Variants in PABPC3 observed in about 807,000 individuals in gnomAD.
The protein encoded by PABPC3 is poly(A) binding protein cytoplasmic 3.
Under a neutral mutation model 43.0 loss-of-function variants are expected in PABPC3, and 43 were observed. That is an observed-to-expected ratio of 1.00 (90% CI 0.78 to 1.29). PABPC3 has a LOEUF of 1.29. Ranked by LOEUF, PABPC3 falls within the 50% of genes most tolerant of loss-of-function variation. The probability of loss-of-function intolerance (pLI) is 0.00; values close to 1 mark genes in which losing one functional copy is unlikely to be tolerated. For synonymous variants in PABPC3, 221 were observed against 274.6 expected, an observed-to-expected ratio of 0.80 and a Z score of 1.93; for missense variants, 784 against 798.1, an observed-to-expected ratio of 0.98 and a Z score of 0.21.
chr13:25,096,191 T>C lies in PABPC3; in HGVS notation c.-8T>C. 2.5e-6 allele frequency: 4 copies of C among 1,606,582 alleles called. No individual in the cohort carries two copies. The highest frequency in any genetic ancestry group is 2.6e-6 in the Non-Finnish European group (3 of 1,175,138). Reference sequence around the variant, plus strand: ...CGGCTTGTGTGCCTGCGGGCAGCCGTGCCGAGAATGAACCCCAGCACCCCC... The same window carrying C: ...CGGCTTGTGTGCCTGCGGGCAGCCGCGCCGAGAATGAACCCCAGCACCCCC... On this transcript the variant is annotated 5_prime_UTR_variant, in exon 1 of 1. Coordinates refer to ENST00000281589, the MANE Select transcript of PABPC3 (RefSeq NM_030979.3).
chr13:25,098,114 A>G lies in PABPC3; in HGVS notation c.*20A>G, dbSNP rs370438574. The G allele has an allele frequency of 2.1e-5, 33 of 1,600,882 alleles. 1 individual carries two copies. In the African/African-American group the frequency reaches 3.8e-4, roughly 18 times the overall value. ...GTTTAAAATTGATCAGAGACCACGA[A>G]AAGAAATTTGTGCTTCACCGAAGAA... On this transcript the variant is annotated 3_prime_UTR_variant, in exon 1 of 1. Coordinates refer to ENST00000281589, the MANE Select transcript of PABPC3 (RefSeq NM_030979.3).
rs1255674928 is a variant in PABPC3 at position 25,098,383 on chromosome 13, C to T, written c.*289C>T. 3.3e-6 allele frequency: 1 copy of T among 300,396 alleles called. No homozygotes were observed. Among genetic ancestry groups the T allele is most frequent in the East Asian group, 7.8e-5 (1 of 12,834 alleles). The allele number at this position is 300,396 out of a possible 1,614,324, so 18.6% of individuals were successfully genotyped here. A position where few individuals can be genotyped will look rare whatever the true frequency, so the allele number is the denominator to read the frequency against. ...CAAAAACCAGTTAATGTTTTGTAGA[C>T]CCTGGGAAAAGAATTTTCAGCAAAG... On this transcript the variant is annotated 3_prime_UTR_variant, in exon 1 of 1. Coordinates refer to ENST00000281589, the MANE Select transcript of PABPC3 (RefSeq NM_030979.3).
chr13:25,097,814 CTT>C, the PABPC3 span: 4 of 1,613,942 alleles, frequency 2.5e-6, no homozygotes, highest in Non-Finnish European at 3.4e-6. Context: ...GGTCAGGAAA[CTT>C]TGACTGCCTC....
rs1355607834 is a variant in PABPC3, at chr13:25,097,268, T to C, written c.1070T>C (p.Ile357Thr). Residue 357 changes from isoleucine (I) to threonine (T), a missense_variant, in exon 1 of 1, where the codon ATT becomes ACT. Coordinates refer to ENST00000281589, the MANE Select transcript of PABPC3 (RefSeq NM_030979.3). ...GCAGTTACAGAAATGAACGGTAGAA[T>C]TGTGGCCACAAAGCCATTGTATGTA... ...TKAVTEMNGR[I>T]VATKPLYVAL... 7 of 1,614,276 alleles carry C rather than the reference T, an allele frequency of 4.3e-6. No individual in the cohort carries two copies. Among genetic ancestry groups the C allele is most frequent in the South Asian group, 1.1e-5 (1 of 91,088 alleles).
Position 25,096,493 on chromosome 13 carries a change from G to T in PABPC3, c.295G>T (p.Gly99Cys). The change falls in exon 1 of 1, where the codon GGC becomes TGC. Residue 99 changes from glycine (G) to cysteine (C), a missense_variant. By Grantham distance (159) the Gly-to-Cys change is radical (BLOSUM62 -3). Transcript: ENST00000281589. Reference sequence around the variant, plus strand: ...TCCATCACTTCGAAAAAGTGGAGTGGGCAACATATTCGTTAAAAATCTGGA... The same window carrying T: ...TCCATCACTTCGAAAAAGTGGAGTGTGCAACATATTCGTTAAAAATCTGGA... ...RDPSLRKSGV[G>C]NIFVKNLDKS... The T allele has an allele frequency of 6.2e-7, 1 of 1,614,160 alleles. No individual in the cohort carries two copies. Among genetic ancestry groups the T allele is most frequent in the South Asian group, 1.1e-5 (1 of 91,076 alleles).
At chr13:25,097,468 C>T in the PABPC3 span, 2 of 1,614,212 alleles carry the variant, frequency 1.2e-6, no homozygotes, top group Admixed American at 1.7e-5. Flanking sequence ...CCAAATTGCT[C>T]GACTAAGACC....
rs1323658097 is a variant in PABPC3, at chr13:25,097,975, G to C, written c.1777G>C (p.Glu593Gln). 1.2e-6 allele frequency: 2 copies of C among 1,613,872 alleles called. No individual in the cohort carries two copies. The highest frequency in any genetic ancestry group is 1.1e-5 in the South Asian group (1 of 91,068). The change falls in exon 1 of 1, where the codon GAG becomes CAG. Residue 593 changes from glutamate (E) to glutamine (Q), a missense_variant. Physicochemically the swap from Glu to Gln is conservative, Grantham distance 29 (BLOSUM62 2). Coordinates refer to ENST00000281589, the MANE Select transcript of PABPC3 (RefSeq NM_030979.3). ...IDNSELLYML[E>Q]SPESLRSKVD... The stretch of plus-strand genomic sequence containing the variant: ...TAATTCAGAACTTCTTTATATGCTC[G>C]AGTCTCCAGAGTCACTCCGTTCTAA...
chr13:25,096,451 A>C lies in PABPC3; in HGVS notation c.253A>C (p.Met85Leu). The change falls in exon 1 of 1, where the codon ATG becomes CTG. Residue 85 changes from methionine (M) to leucine (L), a missense_variant. By Grantham distance (15) the Met-to-Leu change is conservative. Coordinates refer to ENST00000281589, the MANE Select transcript of PABPC3 (RefSeq NM_030979.3). Reference sequence around the variant, plus strand: ...TATAAAGGGCAAGCCAGTACGCATCATGTGGTCTCAGCGTGATCCATCACT... The same window carrying C: ...TATAAAGGGCAAGCCAGTACGCATCCTGTGGTCTCAGCGTGATCCATCACT... ...DVIKGKPVRIMWSQRDPSLRK... is the reference protein window; with the variant it reads ...DVIKGKPVRILWSQRDPSLRK... 1 of 1,614,258 alleles carries C rather than the reference A, an allele frequency of 6.2e-7. No homozygotes were observed. The highest frequency in any genetic ancestry group is 8.5e-7 in the Non-Finnish European group (1 of 1,180,048).
In PABPC3 at chr13:25,096,662, T is replaced by G. The variant is rs746869381; in HGVS notation, c.464T>G (p.Ile155Ser). ...FETHEAAERA[I>S]KKMNGMLLNG... is the part of the protein sequence containing the mutation. ...ACACACGAAGCAGCTGAAAGAGCTA[T>G]TAAAAAAATGAACGGAATGCTCCTA... The change falls in exon 1 of 1, where the codon ATT (isoleucine) becomes AGT (serine). Residue 155 changes from isoleucine to serine, a missense_variant. Coordinates refer to ENST00000281589, the MANE Select transcript of PABPC3 (RefSeq NM_030979.3). The G allele has an allele frequency of 1.6e-5, 26 of 1,614,240 alleles. No individual in the cohort carries two copies. The highest frequency in any genetic ancestry group is 2.2e-5 in the Non-Finnish European group (26 of 1,180,046).
chr13:25,097,510 C>A lies in PABPC3; in HGVS notation c.1312C>A (p.Pro438Thr), dbSNP rs762241713. The stretch of plus-strand genomic sequence containing the variant: ...TCGCTGGACTGCTCAGGGTGCCAGA[C>A]CTCATCCATTCCAAAATAAGCCCAG... Reference protein sequence around the residue: ...SPRWTAQGARPHPFQNKPSAI... With the variant: ...SPRWTAQGARTHPFQNKPSAI... The change falls in exon 1 of 1, where the codon CCT becomes ACT. Residue 438 changes from proline to threonine, a missense_variant. Transcript: ENST00000281589. 5.0e-6 allele frequency: 8 copies of A among 1,614,160 alleles called. No homozygotes were observed.
At position 25,096,828 on chromosome 13, in the gene PABPC3, C is replaced by T. The variant is rs1279662656; in HGVS notation, c.630C>T (p.Leu210=). 15 of 1,614,150 alleles carry T rather than the reference C, an allele frequency of 9.3e-6. No homozygotes were observed. The African/African-American group carries it at 2.0e-4, about 22-fold the overall frequency. The stretch of plus-strand genomic sequence containing the variant: ...TGGATGATGAGCGCCTTAAGGATCT[C>T]TTTGGCAAGTTCGGGCCCGCCTTAA... ...EDMDDERLKD[L]FGKFGPALSV... The change falls in exon 1 of 1, where the codon CTC becomes CTT. Residue 210 remains leucine, a synonymous_variant. Coordinates refer to ENST00000281589, the MANE Select transcript of PABPC3 (RefSeq NM_030979.3).
rs1489544094 is a variant in PABPC3 at position 25,097,999 on chromosome 13, A to G, written c.1801A>G (p.Lys601Glu). The G allele has an allele frequency of 6.2e-7, 1 of 1,614,034 alleles. No homozygotes were observed. Among genetic ancestry groups the G allele is most frequent in the Non-Finnish European group, 8.5e-7 (1 of 1,179,874 alleles). Residue 601 changes from lysine (K) to glutamate (E), a missense_variant, in exon 1 of 1, where the codon AAG (lysine) becomes GAG (glutamate). Lys to Glu is a moderately conservative substitution (Grantham distance 56, BLOSUM62 1). Transcript: ENST00000281589. ...MLESPESLRS[K>E]VDEAVAVLQA... ...CGAGTCTCCAGAGTCACTCCGTTCT[A>G]AGGTTGATGAAGCTGTAGCTGTACT... is the stretch of plus-strand genomic sequence containing the variant.
Position 25,097,508 on chromosome 13 carries a change from G to C in PABPC3, c.1310G>C (p.Arg437Thr). 6.2e-7 allele frequency: 1 copy of C among 1,614,246 alleles called. No homozygotes were observed. Among genetic ancestry groups the C allele is most frequent in the Non-Finnish European group, 8.5e-7 (1 of 1,180,050 alleles). ...PSPRWTAQGA[R>T]PHPFQNKPSA... ...CCTCGCTGGACTGCTCAGGGTGCCA[G>C]ACCTCATCCATTCCAAAATAAGCCC... is the stretch of plus-strand genomic sequence containing the variant. Residue 437 changes from arginine to threonine, a missense_variant, in exon 1 of 1, where the codon AGA becomes ACA. Coordinates refer to ENST00000281589, the MANE Select transcript of PABPC3 (RefSeq NM_030979.3).
At position 25,096,643 on chromosome 13, in the gene PABPC3, G is replaced by C. The variant is rs778874181; in HGVS notation, c.445G>C (p.Glu149Gln). The C allele has an allele frequency of 1.9e-6, 3 of 1,614,280 alleles. No individual in the cohort carries two copies. Among genetic ancestry groups the C allele is most frequent in the Non-Finnish European group, 2.5e-6 (3 of 1,180,054 alleles). Residue 149 changes from glutamate to glutamine, a missense_variant, in exon 1 of 1, where the codon GAA becomes CAA. Physicochemically the swap from Glu to Gln is conservative, Grantham distance 29 (BLOSUM62 2). Transcript: ENST00000281589. ...GYGFVHFETH[E>Q]AAERAIKKMN... ...TGGATTTGTACACTTTGAGACACAC[G>C]AAGCAGCTGAAAGAGCTATTAAAAA...
At position 25,097,830 on chromosome 13, in the gene PABPC3, G is replaced by T; in HGVS notation, c.1632G>T (p.Arg544Ser). The T allele has an allele frequency of 6.2e-7, 1 of 1,613,986 alleles. No individual in the cohort carries two copies. The highest frequency in any genetic ancestry group is 8.5e-7 in the Non-Finnish European group (1 of 1,179,886). ...GTCAGGAAACTTTGACTGCCTCCAG[G>T]TTGGCATCTGCCCCTCCTCAAAAGC... Reference protein sequence around the residue: ...VQGQETLTASRLASAPPQKQK... With the variant: ...VQGQETLTASSLASAPPQKQK... The change falls in exon 1 of 1, where the codon AGG becomes AGT. Residue 544 changes from arginine to serine, a missense_variant. By Grantham distance (110) the Arg-to-Ser change is moderately radical. Coordinates refer to ENST00000281589, the MANE Select transcript of PABPC3 (RefSeq NM_030979.3).
rs763076637 is a variant in PABPC3, at chr13:25,096,205, C to T, written c.7C>T (p.Pro3Ser). 6.2e-7 allele frequency: 1 copy of T among 1,611,832 alleles called. No individual in the cohort carries two copies. Among genetic ancestry groups the T allele is most frequent in the Non-Finnish European group, 8.5e-7 (1 of 1,178,502 alleles). MN[P>S]STPSYPTASL... ...GCGGGCAGCCGTGCCGAGAATGAAC[C>T]CCAGCACCCCCAGCTACCCAACGGC... The change falls in exon 1 of 1, where the codon CCC becomes TCC. Residue 3 changes from proline (P) to serine (S), a missense_variant. By Grantham distance (74) the Pro-to-Ser change is moderately conservative (BLOSUM62 -1). Transcript: ENST00000281589.
rs1367057007 is a variant in PABPC3 at position 25,096,139 on chromosome 13, C to T, written c.-60C>T. ...CGGCTACGCCCCCGGCCCCGGCACG[C>T]GCTCTACTCCTGTAACGGAAAGGTC... On this transcript the variant is annotated 5_prime_UTR_variant, in exon 1 of 1. Coordinates refer to ENST00000281589, the MANE Select transcript of PABPC3 (RefSeq NM_030979.3). 1 of 1,520,158 alleles carries T rather than the reference C, an allele frequency of 6.6e-7. No individual in the cohort carries two copies. The highest frequency in any genetic ancestry group is 8.9e-7 in the Non-Finnish European group (1 of 1,125,682). 94.2% of individuals were successfully genotyped at this position (1,520,158 alleles called of 1,614,324 possible). A position where few individuals can be genotyped will look rare whatever the true frequency, so the allele number is the denominator to read the frequency against.
At chr13:25,097,594 C>T in the PABPC3 span, 1 of 1,614,248 alleles carries the variant, frequency 6.2e-7, no homozygotes, top group South Asian at 1.1e-5. Flanking sequence ...AGCTTCTTCA[C>T]AGGTTCCACG....
At chr13:25,096,360 C>A in the PABPC3 span, 2 of 1,614,194 alleles carry the variant, frequency 1.2e-6, no homozygotes, top group Non-Finnish European at 1.7e-6. Flanking sequence ...CCTCCAACTA[C>A]GCGTATGTGA....
Sources: allele counts gnomAD v4.1 joint callset, GRCh38; gene constraint gnomAD v4.1.1; transcripts MANE v1.5; gene names NCBI Gene and HGNC (gene_info 2026-07-23, HGNC 2026-07-21).